Variants in SH3KBP1 observed in about 807,000 individuals in gnomAD.
The protein encoded by SH3KBP1 is SH3 domain-containing kinase-binding protein 1.
Under a neutral mutation model 50.1 loss-of-function variants are expected in SH3KBP1, and 8 were observed. That is an observed-to-expected ratio of 0.16 (90% CI 0.09 to 0.29). The LOEUF is 0.29. SH3KBP1 is among the 10% of genes least tolerant of loss of function. The probability of loss-of-function intolerance (pLI) is 1.00; values close to 1 mark genes in which losing one functional copy is unlikely to be tolerated. For synonymous variants in SH3KBP1, 227 were observed against 218.6 expected (o/e 1.04, Z -0.34); for missense variants, 377 against 535.2 (o/e 0.70, Z 2.92).
chrX:19,757,309 G>T (rs186327616), intron 2 of SH3KBP1, among the ~76,000 whole-genome samples: 5 of 109,441 alleles, frequency 4.6e-5, no homozygotes, highest in African/African-American at 1.0e-4. Context: ...AAAACTACAT[G>T]CCTACCCCAT....
At chrX:19,839,132 T>A (rs1055329349) in intron 1 of SH3KBP1, among the ~76,000 whole-genome samples, 1 of 109,354 alleles carries the variant, frequency 9.1e-6, no homozygotes, top group Non-Finnish European at 1.9e-5. Flanking sequence ...TTTAAAACTA[T>A]GTACCTGAAC....
chrX:19,723,943 C>G (rs1227245148), intron 3 of SH3KBP1, among the ~76,000 whole-genome samples: 1 of 111,121 alleles, frequency 9.0e-6, no homozygotes. Context: ...GCCGACCCCA[C>G]CAAACAAACA....
chrX:19,827,781 C>CTTTTTT (rs138898288), intron 2 of SH3KBP1, among the ~76,000 whole-genome samples: 2 of 36,222 alleles, frequency 5.5e-5, no homozygotes, highest in African/African-American at 1.1e-4. Context: ...GAAGTGCAGT[C>CTTTTTT]TTTTTTTTTT....
chrX:19,815,049 GTCACCCA>G (rs2067313632), intron 2 of SH3KBP1, among the ~76,000 whole-genome samples: 2 of 112,027 alleles, frequency 1.8e-5, no homozygotes, highest in Admixed American at 1.9e-4. Flanking sequence ...CCTGTAATCT[GTCACCCA>G]TCACCCATCA....
At chrX:19,734,367 C>T (rs2064472538) in intron 3 of SH3KBP1, among the ~76,000 whole-genome samples, 1 of 111,491 alleles carries the variant, frequency 9.0e-6, no homozygotes. Flanking sequence ...TAAAGCTTTG[C>T]TGAGAAATAT....
At chrX:19,592,211 G>T in intron 10 of SH3KBP1, 64 bp from the exon 11 acceptor site, 1 of 924,129 alleles carries the variant, frequency 1.1e-6, no homozygotes, top group Non-Finnish European at 1.5e-6. Context: ...ACACCCACCA[G>T]CATTTAAATC....
intron 16 of SH3KBP1, among the ~76,000 whole-genome samples, chrX:19,539,127 T>C (rs1236336327): frequency 8.9e-6 from 1 of 112,185 alleles, no homozygotes; most frequent in African/African-American, 3.2e-5. Flanking sequence ...GTTAGGGCTC[T>C]ATACTTAGGA....
chrX:19,712,019 TAAAAG>T (rs929217816), intron 3 of SH3KBP1, among the ~76,000 whole-genome samples: 3 of 111,864 alleles, frequency 2.7e-5, no homozygotes, highest in African/African-American at 9.8e-5. Flanking sequence ...AACAGGTGAT[TAAAAG>T]AAAAGAAACA....
chrX:19,629,134 A>G (rs757077764), intron 8 of SH3KBP1, among the ~76,000 whole-genome samples: 10 of 109,994 alleles, frequency 9.1e-5, no homozygotes, highest in Non-Finnish European at 1.9e-4. Flanking sequence ...AAACAAACAA[A>G]AAATAGCAAT....
intron 8 of SH3KBP1, among the ~76,000 whole-genome samples, chrX:19,623,042 C>CAAAA (rs773914815): frequency 1.8e-4 from 4 of 22,208 alleles, no homozygotes; most frequent in East Asian, 1.5e-3. Context: ...CACTCTGACT[C>CAAAA]AAAAAAAAAA....
intron 3 of SH3KBP1, among the ~76,000 whole-genome samples, chrX:19,711,915 C>T (rs2063785911): frequency 9.0e-6 from 1 of 111,660 alleles, no homozygotes; most frequent in African/African-American, 3.3e-5. Context: ...TGAACTCACT[C>T]TTTGGGGTTG....
chrX:19,554,234 T>TATAATACTATATATCATATTAAAATATA (rs1330596276), intron 13 of SH3KBP1, among the ~76,000 whole-genome samples: 1 of 66,163 alleles, frequency 1.5e-5, no homozygotes, highest in African/African-American at 6.9e-5. Flanking sequence ...CATATTAAAA[T>TATAATACTATATATCATATTAAAATATA]ATATTATATA....
chrX:19,848,795 A>G (rs759528339), intron 1 of SH3KBP1, among the ~76,000 whole-genome samples: 1 of 109,669 alleles, frequency 9.1e-6, no homozygotes, highest in Admixed American at 9.7e-5. Flanking sequence ...ATTGATTGAG[A>G]CAGGGTCTCA....
intron 12 of SH3KBP1, among the ~76,000 whole-genome samples, chrX:19,572,952 C>A (rs937849398): frequency 9.0e-6 from 1 of 111,631 alleles, no homozygotes; most frequent in Non-Finnish European, 1.9e-5. Context: ...AGAAAATTTA[C>A]AGTGGTTATT....
chrX:19,573,860 G>A (rs959130179), intron 12 of SH3KBP1, among the ~76,000 whole-genome samples: 11 of 111,413 alleles, frequency 9.9e-5, no homozygotes, highest in Middle Eastern at 4.6e-3. Flanking sequence ...TTCATCACCC[G>A]TGTGACCTTG....
At chrX:19,551,763 C>A (rs1226906056) in intron 13 of SH3KBP1, among the ~76,000 whole-genome samples, 1 of 109,673 alleles carries the variant, frequency 9.1e-6, no homozygotes, top group Non-Finnish European at 1.9e-5. Context: ...TTAAAAGGTT[C>A]TCCTCCAGAC....
intron 13 of SH3KBP1, among the ~76,000 whole-genome samples, chrX:19,555,443 A>G (rs1279385865): frequency 8.9e-6 from 1 of 112,099 alleles, no homozygotes; most frequent in African/African-American, 3.2e-5. Flanking sequence ...GGTGACGTAA[A>G]GCACATCCAC....
intron 3 of SH3KBP1, among the ~76,000 whole-genome samples, chrX:19,742,627 G>A (rs368362964): frequency 1.8e-5 from 2 of 111,357 alleles, no homozygotes; most frequent in Admixed American, 9.5e-5. Flanking sequence ...GGCTGGAGTG[G>A]CACAATCTCG....
chrX:19,702,780 G>A (rs1471662181), intron 4 of SH3KBP1, among the ~76,000 whole-genome samples: 1 of 111,929 alleles, frequency 8.9e-6, no homozygotes, highest in African/African-American at 3.2e-5. Context: ...TCATTCACAC[G>A]CCATCTCTGT....
Sources: gnomAD v4.1 joint callset for allele counts (sites outside exome capture counted in the v4.1 genomes callset) on GRCh38, gnomAD v4.1.1 for gene constraint, MANE v1.5 for transcripts, NCBI Gene and HGNC (gene_info 2026-07-23, HGNC 2026-07-21) for gene names.